GABRA1: variants seen among roughly 807,000 people sequenced by gnomAD.
GABRA1 encodes the protein gamma-aminobutyric acid receptor subunit alpha-1.
Under a neutral mutation model 48.9 loss-of-function variants are expected in GABRA1, and 9 were observed. That is an observed-to-expected ratio of 0.18 (90% CI 0.11 to 0.32). The LOEUF is 0.32. Ranked by LOEUF, GABRA1 falls within the 10% of genes least tolerant of loss-of-function variation. GABRA1 has a pLI of 1.00. For synonymous variants in GABRA1, 210 were observed against 198.7 expected (o/e 1.06, Z -0.48); for missense variants, 285 against 553.8 (o/e 0.51, Z 4.87).
chr5:161,891,721 A>G (rs2113449350), intron 8 of GABRA1, among the ~76,000 whole-genome samples: 1 of 152,318 alleles, frequency 6.6e-6, no homozygotes, highest in East Asian at 1.9e-4. Flanking sequence ...TCCTGCCTAT[A>G]TCCCCGTATA....
intron 5 of GABRA1, among the ~76,000 whole-genome samples, chr5:161,875,177 T>C (rs1174747858): frequency 6.6e-6 from 1 of 152,188 alleles, no homozygotes; most frequent in Non-Finnish European, 1.5e-5. Flanking sequence ...TTCTCTTCCA[T>C]GCTATCCATG....
At chr5:161,882,164 C>T (rs1266016420) in intron 6 of GABRA1, 1 of 283,124 alleles carries the variant, frequency 3.5e-6, no homozygotes, top group African/African-American at 2.2e-5. Flanking sequence ...CCTTCATTCT[C>T]TATCCTTTTA....
At position 161,848,160 on chromosome 5, in the gene GABRA1, T is replaced by C. The variant is rs991862732; in HGVS notation, c.-278T>C. On this transcript the variant is annotated 5_prime_UTR_variant, in exon 1 of 10. Coordinates refer to ENST00000393943, the MANE Select transcript of GABRA1 (RefSeq NM_001127644.2). ...TTTGCCCTGGGACGTATTACTACTG[T>C]CTTGGTAAAGAGAAATCTTTTGTTG... 1 of 152,176 alleles carries C rather than the reference T, an allele frequency of 6.6e-6. No homozygotes were observed. Among genetic ancestry groups the C allele is most frequent in the Non-Finnish European group, 1.5e-5 (1 of 68,062 alleles). 9.4% of individuals were successfully genotyped at this position (152,176 alleles called of 1,614,324 possible).
intron 7 of GABRA1, among the ~76,000 whole-genome samples, chr5:161,887,322 TC>T (rs1754893362): frequency 6.6e-6 from 1 of 152,146 alleles, no homozygotes; most frequent in South Asian, 2.1e-4. Flanking sequence ...GCAACAGTCT[TC>T]TTTGACTATG....
intron 5 of GABRA1, among the ~76,000 whole-genome samples, chr5:161,874,571 G>A (rs1754264686): frequency 1.3e-5 from 2 of 152,022 alleles, no homozygotes; most frequent in Admixed American, 6.6e-5. Flanking sequence ...GGTTTCTGAT[G>A]TATACAGTGT....
At chr5:161,859,686 A>G (rs373119276) in intron 3 of GABRA1, among the ~76,000 whole-genome samples, 63 of 151,892 alleles carry the variant, frequency 4.1e-4, no homozygotes, top group African/African-American at 1.4e-3. Context: ...GAGATCAGAG[A>G]GAAACATTTT....
intron 3 of GABRA1, among the ~76,000 whole-genome samples, chr5:161,865,100 T>C (rs1441740834): frequency 6.6e-6 from 1 of 152,074 alleles, no homozygotes; most frequent in Non-Finnish European, 1.5e-5. Context: ...TATAATAAAA[T>C]CACATGGAAT....
intron 6 of GABRA1, among the ~76,000 whole-genome samples, chr5:161,879,872 T>C (rs1043218767): frequency 6.6e-6 from 1 of 152,188 alleles, no homozygotes; most frequent in Admixed American, 6.5e-5. Context: ...TCTACAACTA[T>C]ATTAGCAGCT....
intron 7 of GABRA1, 97 bp from the exon 8 acceptor site, chr5:161,890,801 G>T: frequency 9.0e-7 from 1 of 1,106,966 alleles, no homozygotes; most frequent in Non-Finnish European, 1.4e-6. Flanking sequence ...GAAAGGATGT[G>T]TCTAATTCCC....
intron 3 of GABRA1, among the ~76,000 whole-genome samples, chr5:161,861,021 C>T (rs768018977): frequency 6.6e-6 from 1 of 151,738 alleles, no homozygotes; most frequent in Non-Finnish European, 1.5e-5. Flanking sequence ...CGTAGTGTTC[C>T]TGAGATGAGA....
At chr5:161,896,172 G>A (rs1348995056) in intron 9 of GABRA1, among the ~76,000 whole-genome samples, 1 of 152,092 alleles carries the variant, frequency 6.6e-6, no homozygotes, top group Non-Finnish European at 1.5e-5. Context: ...CCTGATATTA[G>A]GAGCAAATAA....
intron 6 of GABRA1, chr5:161,882,248 C>T: frequency 7.8e-6 from 3 of 386,412 alleles, no homozygotes; most frequent in Non-Finnish European, 1.5e-5. Context: ...TGTTTTTGTC[C>T]CCACTGCTAC....
intron 5 of GABRA1, among the ~76,000 whole-genome samples, 200 bp from the exon 6 acceptor site, chr5:161,875,360 G>A (rs1754300907): frequency 6.6e-6 from 1 of 152,022 alleles, no homozygotes; most frequent in South Asian, 2.1e-4. Context: ...GTTTCTTAAA[G>A]CAAACAAACA....
Position 161,897,693 on chromosome 5 carries a change from G to C in GABRA1, c.*271G>C. 2.5e-6 allele frequency: 1 copy of C among 395,380 alleles called. No homozygotes were observed. Among genetic ancestry groups the C allele is most frequent in the Non-Finnish European group, 4.5e-6 (1 of 221,856 alleles). 24.5% of individuals were successfully genotyped at this position (395,380 alleles called of 1,614,324 possible). On this transcript the variant is annotated 3_prime_UTR_variant, in exon 10 of 10. Coordinates refer to ENST00000393943, the MANE Select transcript of GABRA1 (RefSeq NM_001127644.2). ...ATGAGAGAGAAAAGAGGGGGAAGAT[G>C]GTTCAAAGATACAAGAAAAAGTAGA...
chr5:161,850,807 C>A lies in GABRA1; in HGVS notation c.-4C>A. 1 of 1,613,932 alleles carries A rather than the reference C, an allele frequency of 6.2e-7. No homozygotes were observed. The highest frequency in any genetic ancestry group is 8.5e-7 in the Non-Finnish European group (1 of 1,179,844). ...ATTCTACTTTTCAGCTGCTCCAGCC[C>A]GCGATGAGGAAAAGTCCAGGTCTGT... On this transcript the variant is annotated 5_prime_UTR_variant, in exon 2 of 10. Coordinates refer to ENST00000393943, the MANE Select transcript of GABRA1 (RefSeq NM_001127644.2).
At chr5:161,878,267 C>T (rs947139475) in intron 6 of GABRA1, among the ~76,000 whole-genome samples, 5 of 152,218 alleles carry the variant, frequency 3.3e-5, no homozygotes, top group East Asian at 3.9e-4. Context: ...CAGGCTTTGA[C>T]GGTCATGCTT....
intron 9 of GABRA1, among the ~76,000 whole-genome samples, 160 bp downstream of exon 9, chr5:161,896,028 T>C (rs1011875637): frequency 6.6e-6 from 1 of 152,140 alleles, no homozygotes; most frequent in Non-Finnish European, 1.5e-5. Flanking sequence ...AATTTTGTTA[T>C]TGATAAAGGG....
chr5:161,877,062 G>C (rs1018313976), intron 6 of GABRA1, among the ~76,000 whole-genome samples: 1 of 152,032 alleles, frequency 6.6e-6, no homozygotes, highest in Non-Finnish European at 1.5e-5. Context: ...AGGCTTTTGA[G>C]TACCCAGGAC....
intron 6 of GABRA1, among the ~76,000 whole-genome samples, chr5:161,881,105 T>C (rs945221432): frequency 4.6e-5 from 7 of 152,172 alleles, no homozygotes; most frequent in Admixed American, 2.6e-4. Flanking sequence ...TGTGGCCTCC[T>C]AAAAGTATTG....
Sources: allele counts gnomAD v4.1 joint callset (sites outside exome capture counted in the v4.1 genomes callset), GRCh38; gene constraint gnomAD v4.1.1; transcripts MANE v1.5; gene names NCBI Gene and HGNC (gene_info 2026-07-23, HGNC 2026-07-21).